Variants in RNF19A observed in about 807,000 individuals in gnomAD.
RNF19A encodes the protein E3 ubiquitin-protein ligase RNF19A.
In RNF19A, 32 loss-of-function variants were observed where a neutral mutation model predicts 75.7. That is an observed-to-expected ratio of 0.42 (90% CI 0.32 to 0.57). RNF19A has a LOEUF of 0.57. Among genes scored for constraint, RNF19A ranks in the 20% least tolerant of loss-of-function variants. The pLI is 0.10. For synonymous variants in RNF19A, 335 were observed against 345.2 expected (o/e 0.97, Z 0.33); for missense variants, 782 against 1,036.3 (o/e 0.75, Z 3.37).
Position 100,325,703 on chromosome 8 carries a change from A to G in RNF19A, c.-243+10405T>C, listed in dbSNP as rs1392141173. 6.6e-6 allele frequency among the ~76,000 whole-genome samples: 1 copy of G among 152,140 alleles called. No homozygotes were observed. Among genetic ancestry groups the G allele is most frequent in the African/African-American group, 2.4e-5 (1 of 41,430 alleles). ...TATCTAGTCATTGTTATCAACCTCA[A>G]TATTGCAGAAAATATCTGTGGATGT... is the stretch of plus-strand genomic sequence containing the variant. On this transcript the variant is annotated intron_variant, in intron 1 of 3. Coordinates refer to the RNF19A transcript ENST00000519527. This position sits in a 1 kb window ranked among gnomAD's most constrained non-coding sequence, Gnocchi z 4.3.
chr8:100,303,948 T>TA (rs1554673991), intron 1 of RNF19A, among the ~76,000 whole-genome samples: 1 of 151,472 alleles, frequency 6.6e-6, no homozygotes, highest in Non-Finnish European at 1.5e-5. Flanking sequence ...AAAAAAAAGT[T>TA]TTTATTTATT....
intron 1 of RNF19A, among the ~76,000 whole-genome samples, chr8:100,291,328 T>C (rs936366454): frequency 1.2e-4 from 18 of 152,236 alleles, no homozygotes; most frequent in African/African-American, 3.9e-4. Context: ...GTGTACCTTA[T>C]AGCAAGTGCT....
rs1819715237 is a variant in RNF19A, at chr8:100,261,555, T to C, written c.1669A>G (p.Asn557Asp). Residue 557 changes from asparagine (N) to aspartate (D), a missense_variant, in exon 8 of 10, where the codon AAC becomes GAC. Physicochemically the swap from Asn to Asp is conservative, Grantham distance 23. Transcript: ENST00000341084. The surrounding 1 kb of genome is among the most constrained non-coding windows in gnomAD (Gnocchi z 4.4). ...TGSLSGSAMV[N>D]CFNRLEVQAD... The stretch of plus-strand genomic sequence containing the variant: ...CAAAACACACACCTGTTAAAACAGT[T>C]TACCATGGCACTTCCTGACAGACTC... The C allele has an allele frequency of 6.2e-7, 1 of 1,614,050 alleles. No homozygotes were observed. Among genetic ancestry groups the C allele is most frequent in the Non-Finnish European group, 8.5e-7 (1 of 1,179,968 alleles).
chr8:100,277,481 T>C (rs1820581414), intron 2 of RNF19A, among the ~76,000 whole-genome samples: 1 of 152,238 alleles, frequency 6.6e-6, no homozygotes, highest in East Asian at 1.9e-4. Context: ...CCAGCTAATT[T>C]TTTTGCATTT....
At position 100,287,548 on chromosome 8, in the gene RNF19A, C is replaced by G; in HGVS notation, c.627G>C (p.Trp209Cys). ...EKYEEFMLRR[W>C]LVADPDCRWC... ...ACCTACAATCAGGATCTGCAACAAG[C>G]CACCGTCTAAGCATAAATTCTTCGT... Residue 209 changes from tryptophan (W) to cysteine (C), a missense_variant, in exon 2 of 10, where the codon TGG becomes TGC. Trp to Cys is a radical substitution (Grantham distance 215). This residue lies in a region of RNF19A where 85 missense variants were observed against 177.7 expected (regional missense o/e 0.48). Transcript: ENST00000341084. The surrounding 1 kb of genome is among the most constrained non-coding windows in gnomAD (Gnocchi z 4.1). The G allele has an allele frequency of 6.2e-7, 1 of 1,613,998 alleles. No homozygotes were observed. Among genetic ancestry groups the G allele is most frequent in the Non-Finnish European group, 8.5e-7 (1 of 1,179,906 alleles).
intron 1 of RNF19A, chr8:100,309,348 C>A (rs1338223885): frequency 2.0e-6 from 2 of 985,672 alleles, no homozygotes; most frequent in African/African-American, 1.7e-5. Flanking sequence ...GCACGGCTTG[C>A]GGGGCGATGT....
chr8:100,320,713 G>A (rs569771475), intron 1 of RNF19A, among the ~76,000 whole-genome samples: 34 of 152,190 alleles, frequency 2.2e-4, no homozygotes, highest in African/African-American at 8.0e-4. Flanking sequence ...ATGTGGATTA[G>A]ATAAAATAAT....
intron 1 of RNF19A, among the ~76,000 whole-genome samples, chr8:100,326,268 C>G (rs1288766010): frequency 6.6e-6 from 1 of 152,084 alleles, no homozygotes; most frequent in Non-Finnish European, 1.5e-5. Flanking sequence ...AATGCTGATT[C>G]AATTCTCTTT....
rs764237470 is a variant in RNF19A at position 100,331,362 on chromosome 8, A to T, written c.-243+4746T>A. On this transcript the variant is annotated intron_variant, in intron 1 of 3. Transcript: ENST00000519527. The surrounding 1 kb of genome is among the most constrained non-coding windows in gnomAD (Gnocchi z 5.2). ...ACAGAAAAACAGATATAGGCCAGGT[A>T]TGGTGGCTCATGCCTGTAATCCCAG... 2.0e-4 allele frequency among the ~76,000 whole-genome samples: 30 copies of T among 152,182 alleles called. No homozygotes were observed. Among genetic ancestry groups the T allele is most frequent in the Admixed American group, 7.9e-4 (12 of 15,280 alleles).
At chr8:100,303,388 G>C (rs1361081139) in intron 1 of RNF19A, 1 of 152,156 alleles carries the variant, frequency 6.6e-6, no homozygotes, top group Admixed American at 6.5e-5. Context: ...CTTGTCACTT[G>C]ATTTTGAGGC....
chr8:100,327,795 G>C (rs1386191812), intron 1 of RNF19A, among the ~76,000 whole-genome samples: 1 of 152,202 alleles, frequency 6.6e-6, no homozygotes, highest in Non-Finnish European at 1.5e-5. Context: ...AAGGTGATGA[G>C]AGCACCATGG....
rs1280411259 is a variant in RNF19A at position 100,325,928 on chromosome 8, T to C, written c.-243+10180A>G. Among the ~76,000 whole-genome samples, 1 of 152,212 alleles carries C rather than the reference T, an allele frequency of 6.6e-6. No individual in the cohort carries two copies. The highest frequency in any genetic ancestry group is 1.5e-5 in the Non-Finnish European group (1 of 68,036). On this transcript the variant is annotated intron_variant, in intron 1 of 3. Transcript: ENST00000519527. This position sits in a 1 kb window ranked among gnomAD's most constrained non-coding sequence, Gnocchi z 4.3. ...ACTAGAGAAAACATATCAGACACAG[T>C]CCATGTCTGAACACTCACAGAATTC...
Position 100,322,655 on chromosome 8 carries a change from C to T in RNF19A, c.-242-9283G>A, listed in dbSNP as rs541514373. 6.6e-6 allele frequency among the ~76,000 whole-genome samples: 1 copy of T among 152,348 alleles called. No homozygotes were observed. The highest frequency in any genetic ancestry group is 2.1e-4 in the South Asian group (1 of 4,834). On this transcript the variant is annotated intron_variant, in intron 1 of 3. Coordinates refer to the RNF19A transcript ENST00000519527. This position sits in a 1 kb window ranked among gnomAD's most constrained non-coding sequence, Gnocchi z 5.1. ...CTATCTCAGCTTTTGGCCTGCCTTC[C>T]TCATTAAGCTTAATCATTTCTTGTT...
chr8:100,316,822 G>C (rs758767662), intron 1 of RNF19A, among the ~76,000 whole-genome samples: 50 of 152,182 alleles, frequency 3.3e-4, no homozygotes, highest in Non-Finnish European at 6.6e-4. Context: ...CGTGGAGCAG[G>C]GGGTGGTGCT....
intron 2 of RNF19A, among the ~76,000 whole-genome samples, chr8:100,286,317 C>T (rs1177541385): frequency 6.6e-6 from 1 of 152,280 alleles, no homozygotes. Flanking sequence ...GCATCCATAA[C>T]GTATTTTGTT....
rs754591056 is a variant in RNF19A at position 100,288,098 on chromosome 8, A to G, written c.77T>C (p.Leu26Pro). 3.7e-5 allele frequency: 60 copies of G among 1,614,048 alleles called. No individual in the cohort carries two copies. The highest frequency in any genetic ancestry group is 4.7e-5 in the Non-Finnish European group (56 of 1,180,014). ...LCVNTDPVSILTSILDMSLHR... is the reference protein window; with the variant it reads ...LCVNTDPVSIPTSILDMSLHR... The stretch of plus-strand genomic sequence containing the variant: ...TAAACTCATGTCTAAAATGCTTGTT[A>G]GAATTGAGACAGGGTCAGTGTTTAC... The change falls in exon 2 of 10, where the codon CTA becomes CCA. Residue 26 changes from leucine to proline, a missense_variant. By Grantham distance (98) the Leu-to-Pro change is moderately conservative (BLOSUM62 -3). Transcript: ENST00000341084.
At chr8:100,281,245 C>T (rs910041693) in intron 2 of RNF19A, among the ~76,000 whole-genome samples, 5 of 152,172 alleles carry the variant, frequency 3.3e-5, no homozygotes, top group African/African-American at 1.2e-4. Context: ...CCAGAAGTAT[C>T]TTCTGTTCAC....
intron 1 of RNF19A, among the ~76,000 whole-genome samples, chr8:100,328,985 C>A (rs189403349): frequency 6.6e-6 from 1 of 152,134 alleles, no homozygotes; most frequent in African/African-American, 2.4e-5. Context: ...CTGGGTCTTG[C>A]GCAGGTTTAT....
At position 100,264,185 on chromosome 8, in the gene RNF19A, A is replaced by G. The variant is rs557717353; in HGVS notation, c.1317T>C (p.Val439=). The change falls in exon 7 of 10, where the codon GTT becomes GTC. Residue 439 remains valine (V), a synonymous_variant. Coordinates refer to ENST00000341084, the MANE Select transcript of RNF19A (RefSeq NM_183419.4). This position sits in a 1 kb window ranked among gnomAD's most constrained non-coding sequence, Gnocchi z 4.7. ...CATAGACATAAGCTAACATAATAGG[A>G]ACACCGATACCTAAAGAGAAATTAA... ...VVAAVTVGIG[V]PIMLAYVYGV... 4.2e-5 allele frequency: 68 copies of G among 1,610,146 alleles called. 1 individual carries two copies. The South Asian group carries it at 7.1e-4, about 17-fold the overall frequency.
Sources: gnomAD v4.1 joint callset for allele counts (sites outside exome capture counted in the v4.1 genomes callset) on GRCh38, gnomAD v4.1.1 for gene constraint, gnomAD v4.1.1 regional missense constraint, Gnocchi (gnomAD v3.1) non-coding constraint, MANE v1.5 for transcripts, NCBI Gene and HGNC (gene_info 2026-07-23, HGNC 2026-07-21) for gene names.